TTC13: variants seen among roughly 807,000 people sequenced by gnomAD.
TTC13 encodes the protein tetratricopeptide repeat protein 13.
Under a neutral mutation model 120.0 loss-of-function variants are expected in TTC13, and 62 were observed. That is an observed-to-expected ratio of 0.52 (90% CI 0.42 to 0.64). The LOEUF (loss-of-function observed/expected upper bound fraction) is 0.64, where lower values mean the gene tolerates loss of function less well. Among genes scored for constraint, TTC13 ranks in the 30% least tolerant of loss-of-function variants. The probability of loss-of-function intolerance (pLI) is 0.00; values close to 1 mark genes in which losing one functional copy is unlikely to be tolerated. For missense variants in TTC13, 824 were observed against 1,050.2 expected, an observed-to-expected ratio of 0.78 and a Z score of 2.98; for synonymous variants, 384 against 393.5, an observed-to-expected ratio of 0.98 and a Z score of 0.28.
chr1:230,951,787 AATC>A (rs1406312727), intron 4 of TTC13, among the ~76,000 whole-genome samples: 1 of 152,126 alleles, frequency 6.6e-6, no homozygotes, highest in Non-Finnish European at 1.5e-5. Context: ...TTTAGAGAAT[AATC>A]ATGTGTGTGA....
Position 230,978,137 on chromosome 1 carries a change from G to C in TTC13, c.271+423C>G, listed in dbSNP as rs969772155. Among the ~76,000 whole-genome samples the C allele has an allele frequency of 5.9e-5, 9 of 152,136 alleles. No individual in the cohort carries two copies. Among genetic ancestry groups the C allele is most frequent in the African/African-American group, 1.7e-4 (7 of 41,424 alleles). Reference sequence around the variant, plus strand: ...TAAGATGTGCCAGGCGTCTCCCTCCGGGGGCGGGCTCCGCAAGCCGCCGGG... The same window carrying C: ...TAAGATGTGCCAGGCGTCTCCCTCCCGGGGCGGGCTCCGCAAGCCGCCGGG... On this transcript the variant is annotated intron_variant, in intron 1 of 22. Transcript: ENST00000366661. This position sits in a 1 kb window ranked among gnomAD's most constrained non-coding sequence, Gnocchi z 5.6.
At chr1:230,909,950 G>A (rs1466767018) in intron 20 of TTC13, among the ~76,000 whole-genome samples, 1 of 152,196 alleles carries the variant, frequency 6.6e-6, no homozygotes, top group African/African-American at 2.4e-5. Context: ...AGGGAAGAGA[G>A]GGAGCTGACT....
chr1:230,955,704 A>G (rs1163656850), intron 3 of TTC13, among the ~76,000 whole-genome samples: 1 of 151,916 alleles, frequency 6.6e-6, no homozygotes, highest in Non-Finnish European at 1.5e-5. Context: ...AAATTAAAGC[A>G]GAAACAGAAA....
chr1:230,946,777 C>A (rs1675042467), intron 4 of TTC13, among the ~76,000 whole-genome samples: 1 of 152,152 alleles, frequency 6.6e-6, no homozygotes, highest in African/African-American at 2.4e-5. Context: ...CACCAACTTT[C>A]TTTACTCATG....
intron 6 of TTC13, among the ~76,000 whole-genome samples, chr1:230,943,189 A>C (rs1674668625): frequency 6.6e-6 from 1 of 151,962 alleles, no homozygotes; most frequent in South Asian, 2.1e-4. Flanking sequence ...ATTATGTGTT[A>C]TATTTTTCAA....
Position 230,912,625 on chromosome 1 carries a change from C to T in TTC13, c.2227G>A (p.Gly743Arg). ...AATGGAAACAAAGAGAAACCTACCC[C>T]AAATTCTGATGAAAGAATCAATACT... ...GKVLILSSEF[G>R]EADAVCNLIL... The change falls in exon 19 of 23, where the codon GGG (glycine) becomes AGG (arginine). Residue 743 changes from glycine to arginine, a missense_variant and splice_region_variant. By Grantham distance (125) the Gly-to-Arg change is moderately radical (BLOSUM62 -2). Transcript: ENST00000366661. The T allele has an allele frequency of 1.2e-6, 2 of 1,609,672 alleles. No homozygotes were observed. Among genetic ancestry groups the T allele is most frequent in the South Asian group, 2.2e-5 (2 of 89,944 alleles).
intron 12 of TTC13, among the ~76,000 whole-genome samples, chr1:230,927,045 C>A (rs915619443): frequency 6.6e-6 from 1 of 152,206 alleles, no homozygotes; most frequent in Admixed American, 6.5e-5. Flanking sequence ...TTACATTTTA[C>A]AATTAATCCA....
intron 1 of TTC13, among the ~76,000 whole-genome samples, chr1:230,977,004 A>G (rs1678382168): frequency 1.3e-5 from 2 of 152,206 alleles, no homozygotes; most frequent in African/African-American, 2.4e-5. Flanking sequence ...AATACTTCAG[A>G]TGTGGTTTGC....
At chr1:230,935,026 A>G (rs1306748378) in intron 8 of TTC13, among the ~76,000 whole-genome samples, 1 of 152,238 alleles carries the variant, frequency 6.6e-6, no homozygotes, top group African/African-American at 2.4e-5. Context: ...AAACTCTTCA[A>G]AGGCAACGAT....
chr1:230,936,519 G>T, intron 8 of TTC13: 1 of 252,692 alleles, frequency 4.0e-6, no homozygotes, highest in Non-Finnish European at 7.9e-6. Flanking sequence ...TGGGACGCAT[G>T]GTTTGTGAAA....
intron 16 of TTC13, 73 bp downstream of exon 16, chr1:230,921,348 G>T: frequency 1.1e-6 from 1 of 933,666 alleles, no homozygotes; most frequent in Non-Finnish European, 1.6e-6. Flanking sequence ...TAGTTCTCAA[G>T]TTTCAAAAAT....
intron 17 of TTC13, among the ~76,000 whole-genome samples, chr1:230,918,405 T>C (rs1193503377): frequency 1.3e-5 from 2 of 152,326 alleles, no homozygotes; most frequent in Middle Eastern, 3.4e-3. Context: ...TGGCTACTGC[T>C]TTCCGGCTTC....
At chr1:230,908,118 G>A (rs1382646003) in intron 22 of TTC13, among the ~76,000 whole-genome samples, 1 of 152,174 alleles carries the variant, frequency 6.6e-6, no homozygotes, top group Non-Finnish European at 1.5e-5. Context: ...AACAGGCCAA[G>A]AGAAGTGAAT....
chr1:230,963,311 T>C (rs1676815043), intron 1 of TTC13, among the ~76,000 whole-genome samples: 1 of 152,030 alleles, frequency 6.6e-6, no homozygotes. Flanking sequence ...GAAGCTGCAA[T>C]GTTAAATTTC....
In TTC13 at chr1:230,920,541, T is replaced by C; in HGVS notation, c.1952A>G (p.His651Arg). 1 of 1,608,644 alleles carries C rather than the reference T, an allele frequency of 6.2e-7. No homozygotes were observed. The highest frequency in any genetic ancestry group is 2.2e-5 in the East Asian group (1 of 44,520). Residue 651 changes from histidine to arginine, a missense_variant, in exon 17 of 23, where the codon CAC becomes CGC. By Grantham distance (29) the His-to-Arg change is conservative. Coordinates refer to ENST00000366661, the MANE Select transcript of TTC13 (RefSeq NM_024525.5). Reference protein sequence around the residue: ...LEVREALEKVHKVEDLLPIMK... With the variant: ...LEVREALEKVRKVEDLLPIMK... ...AATCGGAAGAAGGTCTTCTACTTTG[T>C]GTACCTTTTCCAGGGCTTCCCGAAC... is the stretch of plus-strand genomic sequence containing the variant.
chr1:230,961,975 T>A (rs1558217479), intron 1 of TTC13, among the ~76,000 whole-genome samples: 1 of 150,782 alleles, frequency 6.6e-6, no homozygotes, highest in Non-Finnish European at 1.5e-5. Flanking sequence ...CTTTGGGAGG[T>A]CAAGGTGGGC....
chr1:230,916,366 T>A (rs1672029635), intron 17 of TTC13, 64 bp from the exon 18 acceptor site: 1 of 1,151,110 alleles, frequency 8.7e-7, no homozygotes, highest in Admixed American at 1.7e-5. Context: ...CAACTGCAAC[T>A]CTGTAGTGCT....
At chr1:230,970,526 T>A (rs2103000806) in intron 1 of TTC13, among the ~76,000 whole-genome samples, 4 of 152,258 alleles carry the variant, frequency 2.6e-5, no homozygotes, top group African/African-American at 9.6e-5. Context: ...CGGCCACTCA[T>A]CCACCACAAC....
intron 1 of TTC13, among the ~76,000 whole-genome samples, chr1:230,968,125 G>T (rs1038453057): frequency 2.1e-5 from 3 of 146,286 alleles, no homozygotes; most frequent in African/African-American, 7.4e-5. Flanking sequence ...CACCTCATCA[G>T]GCTTATCTAT....
Sources: allele counts gnomAD v4.1 joint callset (sites outside exome capture counted in the v4.1 genomes callset), GRCh38; gene constraint gnomAD v4.1.1; non-coding constraint Gnocchi (gnomAD v3.1); transcripts MANE v1.5; gene names NCBI Gene and HGNC (gene_info 2026-07-23, HGNC 2026-07-21).